IPO5: variants seen among roughly 807,000 people sequenced by gnomAD.
IPO5 encodes the protein importin 5.
IPO5 carries 18 observed loss-of-function variants against 143.3 expected under a neutral mutation model. That is an observed-to-expected ratio of 0.13 (90% CI 0.09 to 0.19). The LOEUF (loss-of-function observed/expected upper bound fraction) is 0.19, where lower values mean the gene tolerates loss of function less well. Ranked by LOEUF, IPO5 falls within the 10% of genes least tolerant of loss-of-function variation. The probability of loss-of-function intolerance (pLI) is 1.00; values close to 1 mark genes in which losing one functional copy is unlikely to be tolerated. For missense variants in IPO5, 1,013 were observed against 1,336.9 expected, an observed-to-expected ratio of 0.76 and a Z score of 3.78; for synonymous variants, 477 against 465.7, an observed-to-expected ratio of 1.02 and a Z score of -0.31.
intron 12 of IPO5, among the ~76,000 whole-genome samples, chr13:98,000,240 G>A (rs566509249): frequency 6.6e-5 from 10 of 151,996 alleles, no homozygotes; most frequent in African/African-American, 9.7e-5. Flanking sequence ...AGCCGAGATC[G>A]TGCCACTGCG....
intron 11 of IPO5, among the ~76,000 whole-genome samples, chr13:97,994,133 C>A (rs1888039088): frequency 6.6e-6 from 1 of 152,096 alleles, no homozygotes; most frequent in African/African-American, 2.4e-5. Context: ...ATGCTAAAAC[C>A]CCGTTTCTAC....
chr13:97,986,319 A>G (rs1265105145), intron 6 of IPO5, among the ~76,000 whole-genome samples: 2 of 152,072 alleles, frequency 1.3e-5, no homozygotes, highest in African/African-American at 4.8e-5. Flanking sequence ...GGTGACAAAT[A>G]TATACATATA....
intron 11 of IPO5, among the ~76,000 whole-genome samples, chr13:97,994,183 C>T (rs61970443): frequency 0.34 from 52,118 of 151,916 alleles, 10,774 homozygotes; most frequent in Non-Finnish European, 0.47. Flanking sequence ...TGGTGCACAC[C>T]GGTAATCCCA....
chr13:97,996,497 T>C (rs1208584121), intron 11 of IPO5, among the ~76,000 whole-genome samples: 2 of 152,196 alleles, frequency 1.3e-5, no homozygotes, highest in African/African-American at 4.8e-5. Flanking sequence ...GGACGCTTAT[T>C]CCACCCCCAG....
At chr13:97,978,281 C>T (rs1886554784) in intron 4 of IPO5, among the ~76,000 whole-genome samples, 1 of 152,100 alleles carries the variant, frequency 6.6e-6, no homozygotes, top group African/African-American at 2.4e-5. Flanking sequence ...CACTATTTTG[C>T]AACTTGAATT....
chr13:97,993,259 T>G lies in IPO5; in HGVS notation c.913+34T>G, dbSNP rs968824037. ...ATGGTCTTCAGATAGTTTATGTGTATTGTGGCCAAATTTTTGGATAAATTT... is the reference window on the plus strand; with the variant it reads ...ATGGTCTTCAGATAGTTTATGTGTAGTGTGGCCAAATTTTTGGATAAATTT... On this transcript the variant is annotated intron_variant, in intron 11 of 28. Transcript: ENST00000651721. The G allele has an allele frequency of 1.9e-6, 3 of 1,587,364 alleles. No homozygotes were observed. In the African/African-American group the frequency reaches 4.0e-5, roughly 21 times the overall value.
intron 27 of IPO5, 137 bp downstream of exon 27, chr13:98,019,946 G>A: frequency 1.7e-6 from 1 of 586,692 alleles, no homozygotes; most frequent in Non-Finnish European, 3.0e-6. Context: ...TAATAGTGCT[G>A]TCTTTATAAA....
At chr13:97,998,413 C>A (rs1280494160) in intron 12 of IPO5, among the ~76,000 whole-genome samples, 1 of 152,178 alleles carries the variant, frequency 6.6e-6, no homozygotes, top group Non-Finnish European at 1.5e-5. Context: ...CAGGCAGAGA[C>A]TTCCCTTAGA....
chr13:97,961,395 G>C (rs1220033226), intron 2 of IPO5, among the ~76,000 whole-genome samples: 3 of 152,176 alleles, frequency 2.0e-5, no homozygotes, highest in African/African-American at 7.2e-5. Context: ...GCAATGGCAC[G>C]ATCTCGGCTC....
rs568341482 is a variant in IPO5 at position 97,957,533 on chromosome 13, A to G, written c.-113+3335A>G. Among the ~76,000 whole-genome samples the G allele has an allele frequency of 2.0e-5, 3 of 152,220 alleles. No homozygotes were observed. In the South Asian group the frequency reaches 6.2e-4, roughly 32 times the overall value. On this transcript the variant is annotated intron_variant, in intron 2 of 28. Coordinates refer to ENST00000651721, the MANE Select transcript of IPO5 (RefSeq NM_002271.6). ...TTTAAATGATCATTCCATATTGTTA[A>G]ACAATGTTTCTAAGTGAGAGGTAGA...
intron 13 of IPO5, 43 bp from the exon 14 acceptor site, chr13:98,002,424 T>A (rs760219699): frequency 1.1e-5 from 17 of 1,595,924 alleles, no homozygotes; most frequent in Non-Finnish European, 1.4e-5. Flanking sequence ...ATGACATGTT[T>A]ATAGTGTGTA....
rs1290734494 is a variant in IPO5 at position 97,969,222 on chromosome 13, C to T, written c.-112-501C>T. On this transcript the variant is annotated intron_variant, in intron 2 of 28. Coordinates refer to ENST00000651721, the MANE Select transcript of IPO5 (RefSeq NM_002271.6). ...TTTGATACGTAGTCTCGCTCTGTCACCCAGGCTGGTGAGCAGTGGCGCGAT... is the reference window on the plus strand; with the variant it reads ...TTTGATACGTAGTCTCGCTCTGTCATCCAGGCTGGTGAGCAGTGGCGCGAT... Among the ~76,000 whole-genome samples the T allele has an allele frequency of 5.6e-5, 7 of 124,292 alleles. No homozygotes were observed. In the East Asian group the frequency reaches 1.8e-3, roughly 32 times the overall value. 81.5% of individuals were successfully genotyped at this position (124,292 alleles called of 152,430 possible).
intron 2 of IPO5, among the ~76,000 whole-genome samples, chr13:97,956,080 C>G (rs969643234): frequency 1.2e-4 from 18 of 147,068 alleles, no homozygotes; most frequent in African/African-American, 4.5e-4. Context: ...TGCAGTGAGC[C>G]AAGATCGCGC....
Position 97,992,764 on chromosome 13 carries a change from T to C in IPO5, c.670-128T>C, listed in dbSNP as rs1284535411. The C allele has an allele frequency of 8.3e-6, 8 of 963,298 alleles. No homozygotes were observed. The African/African-American group carries it at 9.9e-5, about 12-fold the overall frequency. The allele number at this position is 963,298 out of a possible 1,614,324, so 59.7% of individuals were successfully genotyped here. ...AGGTAGAACATTTGCATAATATAGA[T>C]TGCTAAATTATTTAGTGAAAAATAG... On this transcript the variant is annotated intron_variant, in intron 9 of 28. Transcript: ENST00000651721.
At chr13:97,997,497 C>G (rs1888397916) in intron 11 of IPO5, 34 bp from the exon 12 acceptor site, 1 of 1,211,312 alleles carries the variant, frequency 8.3e-7, no homozygotes, top group Non-Finnish European at 1.2e-6. Context: ...GATAAAGTCA[C>G]AGTCTTCGGG....
intron 2 of IPO5, among the ~76,000 whole-genome samples, chr13:97,967,262 T>C (rs1489942501): frequency 6.6e-6 from 1 of 152,202 alleles, no homozygotes; most frequent in African/African-American, 2.4e-5. Context: ...TTCCTGATTT[T>C]AGTATTTGAG....
At chr13:97,997,205 A>T (rs1337160009) in intron 11 of IPO5, among the ~76,000 whole-genome samples, 1 of 152,236 alleles carries the variant, frequency 6.6e-6, no homozygotes, top group African/African-American at 2.4e-5. Flanking sequence ...AGATATGGAA[A>T]TCTGTAGTTC....
intron 11 of IPO5, among the ~76,000 whole-genome samples, chr13:97,996,090 T>C (rs1047585334): frequency 6.6e-6 from 1 of 152,168 alleles, no homozygotes; most frequent in Non-Finnish European, 1.5e-5. Context: ...GGAAATTCAT[T>C]GCTTTTTTCT....
intron 11 of IPO5, among the ~76,000 whole-genome samples, chr13:97,996,505 C>A (rs1888301456): frequency 6.6e-6 from 1 of 152,220 alleles, no homozygotes; most frequent in Non-Finnish European, 1.5e-5. Flanking sequence ...ATTCCACCCC[C>A]AGGGCACTTC....
Sources: allele counts gnomAD v4.1 joint callset (sites outside exome capture counted in the v4.1 genomes callset), GRCh38; gene constraint gnomAD v4.1.1; transcripts MANE v1.5; gene names NCBI Gene and HGNC (gene_info 2026-07-23, HGNC 2026-07-21).